Variants in AHDC1 observed in about 807,000 individuals in gnomAD.
AHDC1 encodes the protein AT-hook DNA binding motif containing 1, also known as transcription factor Gibbin.
A neutral mutation model predicts 87.9 loss-of-function variants in AHDC1; 7 were observed. The ratio of observed to expected loss-of-function variants is 0.08; its 90% CI spans 0.05 to 0.15. The LOEUF is 0.15. Ranked by LOEUF, AHDC1 falls within the 10% of genes least tolerant of loss-of-function variation. The pLI is 1.00. For synonymous variants in AHDC1, 1,051 were observed against 1,006.8 expected (o/e 1.04, Z -0.83); for missense variants, 1,841 against 2,253.2 (o/e 0.82, Z 3.70).
At chr1:27,594,683 CAGAG>C (rs145574277) in intron 3 of AHDC1, among the ~76,000 whole-genome samples, 1 of 150,898 alleles carries the variant, frequency 6.6e-6, no homozygotes, top group Non-Finnish European at 1.5e-5. Flanking sequence ...GCCTGGGCAG[CAGAG>C]AGAGAGAGAG....
At chr1:27,576,953 C>G (rs551007865) in intron 3 of AHDC1, among the ~76,000 whole-genome samples, 9 of 152,276 alleles carry the variant, frequency 5.9e-5, no homozygotes, top group African/African-American at 2.2e-4. Context: ...CACCGCCTGC[C>G]CACACCCCCC....
In AHDC1 at chr1:27,562,804, A is replaced by G. The variant is rs868385299; in HGVS notation, c.-628-3921T>C. Among the ~76,000 whole-genome samples the G allele has an allele frequency of 1.1e-4, 16 of 152,258 alleles. No homozygotes were observed. Among genetic ancestry groups the G allele is most frequent in the Middle Eastern group, 6.8e-3 (2 of 294 alleles). Reference sequence around the variant, plus strand: ...AGAGTGAGACACGAGCTCCCAAGTTACTGACAACTTCCCAACAGCATGAGA... The same window carrying G: ...AGAGTGAGACACGAGCTCCCAAGTTGCTGACAACTTCCCAACAGCATGAGA... On this transcript the variant is annotated intron_variant, in intron 3 of 8. Coordinates refer to ENST00000673934, the MANE Select transcript of AHDC1 (RefSeq NM_001371928.1). The surrounding 1 kb of genome is among the most constrained non-coding windows in gnomAD (Gnocchi z 4.4).
intron 8 of AHDC1, among the ~76,000 whole-genome samples, chr1:27,538,272 C>T (rs534507691): frequency 6.6e-6 from 1 of 151,572 alleles, no homozygotes; most frequent in African/African-American, 2.4e-5. Flanking sequence ...TGTGGTGGCA[C>T]ACACCCTGTA....
chr1:27,566,863 T>C (rs1055260472), intron 3 of AHDC1, among the ~76,000 whole-genome samples: 1 of 140,042 alleles, frequency 7.1e-6, no homozygotes, highest in Non-Finnish European at 1.5e-5. Context: ...CCTGTTGCCA[T>C]GGAGGCGGGC....
At chr1:27,555,960 C>A (rs1171276430) in intron 5 of AHDC1, among the ~76,000 whole-genome samples, 1 of 152,210 alleles carries the variant, frequency 6.6e-6, no homozygotes, top group African/African-American at 2.4e-5. Flanking sequence ...CCTCACCACA[C>A]CCCGGCGGCC....
Position 27,547,582 on chromosome 1 carries a change from G to A in AHDC1, c.4534C>T (p.Pro1512Ser), listed in dbSNP as rs749822016. The A allele has an allele frequency of 6.2e-7, 1 of 1,608,776 alleles. No individual in the cohort carries two copies. Among genetic ancestry groups the A allele is most frequent in the Non-Finnish European group, 8.5e-7 (1 of 1,178,210 alleles). ...APHLASPPAT[P>S]KADKEPLEMA... Reference sequence around the variant, plus strand: ...TCCAGTGGCTCCTTGTCGGCCTTGGGCGTGGCTGGTGGGCTAGCCAGGTGA... The same window carrying A: ...TCCAGTGGCTCCTTGTCGGCCTTGGACGTGGCTGGTGGGCTAGCCAGGTGA... Residue 1512 changes from proline (P) to serine (S), a missense_variant, in exon 8 of 9, where the codon CCC (proline) becomes TCC (serine). Coordinates refer to ENST00000673934, the MANE Select transcript of AHDC1 (RefSeq NM_001371928.1). This position sits in a 1 kb window ranked among gnomAD's most constrained non-coding sequence, Gnocchi z 4.9.
chr1:27,574,784 AGG>A (rs1229763058), intron 3 of AHDC1, among the ~76,000 whole-genome samples: 1 of 152,120 alleles, frequency 6.6e-6, no homozygotes, highest in African/African-American at 2.4e-5. Context: ...TGCCCAACAA[AGG>A]GCAGGGTAGA....
rs183102406 is a variant in AHDC1, at chr1:27,552,585, C to T, written c.-75+307G>A. On this transcript the variant is annotated intron_variant, in intron 7 of 8. Coordinates refer to ENST00000673934, the MANE Select transcript of AHDC1 (RefSeq NM_001371928.1). ...GCTAATTTTTGTATTTTAGTAGAGA[C>T]GGGGTTTCACCAAGTTGGCCAGGCT... The T allele has an allele frequency of 7.0e-3, 1,078 of 153,746 alleles. 7 individuals carry two copies. Among genetic ancestry groups the T allele is most frequent in the South Asian group, 0.012 (56 of 4,840 alleles). 9.5% of individuals were successfully genotyped at this position (153,746 alleles called of 1,614,324 possible).
chr1:27,596,354 C>T (rs965056334), intron 3 of AHDC1, among the ~76,000 whole-genome samples: 1 of 152,144 alleles, frequency 6.6e-6, no homozygotes, highest in African/African-American at 2.4e-5. Flanking sequence ...TTTGAAGAGA[C>T]ACAGGCTGGG....
chr1:27,561,413 C>T lies in AHDC1; in HGVS notation c.-628-2530G>A, dbSNP rs761881614. 9.2e-5 allele frequency among the ~76,000 whole-genome samples: 14 copies of T among 152,274 alleles called. No homozygotes were observed. The highest frequency in any genetic ancestry group is 2.1e-4 in the South Asian group (1 of 4,816). ...AACCTGATACTCCCCAGCAGATAAA[C>T]GTCAGGCCCCCACCCAGTGTAAATG... On this transcript the variant is annotated intron_variant, in intron 3 of 8. Transcript: ENST00000673934. The surrounding 1 kb of genome is among the most constrained non-coding windows in gnomAD (Gnocchi z 4.2).
In AHDC1 at chr1:27,596,737, AC is replaced by A. The variant is rs373598347; in HGVS notation, c.-629+6659del. Among the ~76,000 whole-genome samples the A allele has an allele frequency of 3.1e-4, 47 of 151,548 alleles. No homozygotes were observed. In the South Asian group the frequency reaches 9.2e-3, roughly 30 times the overall value. ...CATGCCCTTAAACCTTCATATATGT[AC>A]CCCCATCACACATACCCCACCCTGC... On this transcript the variant is annotated intron_variant, in intron 3 of 8. Transcript: ENST00000673934.
intron 3 of AHDC1, among the ~76,000 whole-genome samples, chr1:27,580,685 C>A (rs1473909906): frequency 6.6e-6 from 1 of 152,202 alleles, no homozygotes; most frequent in Non-Finnish European, 1.5e-5. Context: ...ATAGCTTTAA[C>A]AAGATCATGA....
chr1:27,540,434 G>A (rs891309462), intron 8 of AHDC1, among the ~76,000 whole-genome samples: 23 of 151,868 alleles, frequency 1.5e-4, no homozygotes, highest in African/African-American at 5.6e-4. Flanking sequence ...AATGTCCCAG[G>A]CATGATGAGA....
At chr1:27,537,673 G>A (rs951870078) in intron 8 of AHDC1, among the ~76,000 whole-genome samples, 2 of 152,192 alleles carry the variant, frequency 1.3e-5, no homozygotes, top group Admixed American at 1.3e-4. Context: ...TGCACACCCA[G>A]GGCTAGCACG....
At chr1:27,586,806 G>T (rs1001659280) in intron 3 of AHDC1, among the ~76,000 whole-genome samples, 21 of 152,190 alleles carry the variant, frequency 1.4e-4, no homozygotes, top group African/African-American at 5.1e-4. Flanking sequence ...GGGCAGGAAG[G>T]GTCCTGACAC....
intron 3 of AHDC1, among the ~76,000 whole-genome samples, chr1:27,594,668 G>A (rs553676274): frequency 6.6e-5 from 10 of 152,300 alleles, no homozygotes; most frequent in East Asian, 5.8e-4. Flanking sequence ...TGGGAAGAGC[G>A]GGAGGCCTGG....
Position 27,593,687 on chromosome 1 carries a change from C to T in AHDC1, c.-629+9710G>A, listed in dbSNP as rs1447795000. ...TGCTGCCAGAACCTGGCTGCCCCAC[C>T]TCTGCTCTGAACCCCTCCCTATCTC... On this transcript the variant is annotated intron_variant, in intron 3 of 8. Coordinates refer to ENST00000673934, the MANE Select transcript of AHDC1 (RefSeq NM_001371928.1). The surrounding 1 kb of genome is among the most constrained non-coding windows in gnomAD (Gnocchi z 4.9). Among the ~76,000 whole-genome samples the T allele has an allele frequency of 6.6e-6, 1 of 152,246 alleles. No homozygotes were observed. Among genetic ancestry groups the T allele is most frequent in the Non-Finnish European group, 1.5e-5 (1 of 68,038 alleles).
At chr1:27,589,363 A>G (rs540850493) in intron 3 of AHDC1, among the ~76,000 whole-genome samples, 24 of 151,648 alleles carry the variant, frequency 1.6e-4, no homozygotes, top group Non-Finnish European at 2.4e-4. Flanking sequence ...CTTTGTCTCT[A>G]TATGTTTCTG....
At chr1:27,552,400 CTTTTTT>C in intron 7 of AHDC1, 1 of 271,704 alleles carries the variant, frequency 3.7e-6, no homozygotes. Context: ...CCCAGTTTCA[CTTTTTT>C]TTTTTTTTTT....
Sources: allele counts gnomAD v4.1 joint callset (sites outside exome capture counted in the v4.1 genomes callset), GRCh38; gene constraint gnomAD v4.1.1; non-coding constraint Gnocchi (gnomAD v3.1); transcripts MANE v1.5; gene names NCBI Gene and HGNC (gene_info 2026-07-23, HGNC 2026-07-21).